Variants in BRINP3 observed in about 807,000 individuals in gnomAD.
BRINP3 encodes the protein BMP/retinoic acid-inducible neural-specific protein 3.
BRINP3 carries 19 observed loss-of-function variants against 71.0 expected under a neutral mutation model. The ratio of observed to expected loss-of-function variants is 0.27; its 90% CI spans 0.19 to 0.39. BRINP3 has a LOEUF of 0.39. BRINP3 is among the 10% of genes least tolerant of loss of function. The pLI, the probability that BRINP3 is intolerant of heterozygous loss-of-function variation, is 1.00. For missense variants in BRINP3, 959 were observed against 940.8 expected (o/e 1.02, Z -0.25); for synonymous variants, 380 against 337.7 (o/e 1.13, Z -1.37).
chr1:190,469,485 C>T (rs1192174781), intron 1 of BRINP3, among the ~76,000 whole-genome samples: 1 of 150,848 alleles, frequency 6.6e-6, no homozygotes, highest in Non-Finnish European at 1.5e-5. Flanking sequence ...TTTTGTGCAA[C>T]TTTGCTGCAT....
At chr1:190,248,995 A>AT (rs1310062019) in intron 4 of BRINP3, among the ~76,000 whole-genome samples, 1 of 151,694 alleles carries the variant, frequency 6.6e-6, no homozygotes, top group African/African-American at 2.4e-5. Flanking sequence ...GCTTATAGTG[A>AT]TTTTTCTAAA....
chr1:190,473,773 A>ATT (rs200647038), intron 1 of BRINP3, among the ~76,000 whole-genome samples: 49 of 142,440 alleles, frequency 3.4e-4, no homozygotes, highest in South Asian at 1.5e-3. Context: ...ATAATTTTCT[A>ATT]TTTTTTTTTT....
At chr1:190,123,842 T>C (rs1461705953) in intron 7 of BRINP3, among the ~76,000 whole-genome samples, 1 of 152,148 alleles carries the variant, frequency 6.6e-6, no homozygotes, top group African/African-American at 2.4e-5. Flanking sequence ...TCTCTTTTAA[T>C]TGTTAGCTAA....
intron 3 of BRINP3, among the ~76,000 whole-genome samples, chr1:190,270,632 G>T (rs1481341222): frequency 6.6e-6 from 1 of 151,548 alleles, no homozygotes; most frequent in Non-Finnish European, 1.5e-5. Flanking sequence ...TCTCTATTTT[G>T]GGTATCTTTG....
At chr1:190,218,490 G>T (rs1040908507) in intron 6 of BRINP3, among the ~76,000 whole-genome samples, 6 of 151,880 alleles carry the variant, frequency 4.0e-5, no homozygotes, top group African/African-American at 1.5e-4. Context: ...AGGTAACACT[G>T]GATGTTATTA....
chr1:190,322,934 C>T (rs774397178), intron 2 of BRINP3, among the ~76,000 whole-genome samples: 3 of 151,894 alleles, frequency 2.0e-5, no homozygotes, highest in African/African-American at 4.8e-5. Context: ...TTTTAAAGAG[C>T]GGGTGATGCA....
chr1:190,419,372 A>G (rs1673212772), intron 2 of BRINP3, among the ~76,000 whole-genome samples: 1 of 152,120 alleles, frequency 6.6e-6, no homozygotes, highest in African/African-American at 2.4e-5. Flanking sequence ...CATAAAATGT[A>G]TATGAATTTT....
chr1:190,338,006 T>G (rs998226854), intron 2 of BRINP3, among the ~76,000 whole-genome samples: 1 of 152,084 alleles, frequency 6.6e-6, no homozygotes, highest in Admixed American at 6.6e-5. Flanking sequence ...TCTTCAACTA[T>G]ACTTTAAAAA....
At chr1:190,109,514 C>A (rs1340779466) in intron 7 of BRINP3, among the ~76,000 whole-genome samples, 2 of 152,166 alleles carry the variant, frequency 1.3e-5, no homozygotes, top group East Asian at 3.8e-4. Flanking sequence ...GTTTTGGTGT[C>A]AACTTCACTG....
chr1:190,416,560 T>C (rs1673015027), intron 2 of BRINP3, among the ~76,000 whole-genome samples: 1 of 152,190 alleles, frequency 6.6e-6, no homozygotes, highest in Non-Finnish European at 1.5e-5. Flanking sequence ...GAAAGGCTTT[T>C]ATAGTGTAGT....
At chr1:190,301,874 T>C (rs1366448561) in intron 2 of BRINP3, among the ~76,000 whole-genome samples, 1 of 152,004 alleles carries the variant, frequency 6.6e-6, no homozygotes, top group Non-Finnish European at 1.5e-5. Flanking sequence ...TATATAGTTA[T>C]AGAAAAACAT....
At chr1:190,243,896 T>C (rs1184696159) in intron 4 of BRINP3, among the ~76,000 whole-genome samples, 20 of 152,130 alleles carry the variant, frequency 1.3e-4, no homozygotes, top group Admixed American at 1.2e-3. Context: ...AGTAAAACAT[T>C]AAAGACTGAT....
intron 2 of BRINP3, among the ~76,000 whole-genome samples, chr1:190,444,792 C>A (rs1336346314): frequency 5.9e-5 from 9 of 152,122 alleles, no homozygotes; most frequent in Admixed American, 5.9e-4. Context: ...CCTTGGCCCC[C>A]CCAAGGTGCT....
chr1:190,154,959 C>T (rs924349023), intron 7 of BRINP3, among the ~76,000 whole-genome samples: 10 of 152,150 alleles, frequency 6.6e-5, no homozygotes, highest in South Asian at 2.1e-4. Context: ...ATTTATTTAA[C>T]GGCAATGATA....
chr1:190,264,089 G>A (rs970930128), intron 4 of BRINP3, among the ~76,000 whole-genome samples: 53 of 152,176 alleles, frequency 3.5e-4, no homozygotes, highest in African/African-American at 1.3e-3. Flanking sequence ...ATTTTACAAT[G>A]GCCATTTGAC....
chr1:190,429,031 T>G (rs1673911779), intron 2 of BRINP3, among the ~76,000 whole-genome samples: 1 of 152,096 alleles, frequency 6.6e-6, no homozygotes, highest in African/African-American at 2.4e-5. Context: ...TTGCTATAAA[T>G]CAGATGCTGC....
intron 2 of BRINP3, among the ~76,000 whole-genome samples, chr1:190,337,901 T>A (rs1667396629): frequency 6.6e-6 from 1 of 152,084 alleles, no homozygotes; most frequent in Non-Finnish European, 1.5e-5. Flanking sequence ...TCTGTGTTTT[T>A]TAAACTATGA....
At chr1:190,166,883 C>T (rs1178062784) in intron 6 of BRINP3, among the ~76,000 whole-genome samples, 1 of 152,072 alleles carries the variant, frequency 6.6e-6, no homozygotes, top group South Asian at 2.1e-4. Flanking sequence ...ACCACTACTT[C>T]CGGCTAGTTT....
intron 3 of BRINP3, among the ~76,000 whole-genome samples, chr1:190,275,960 T>G (rs35097942): frequency 0.17 from 25,888 of 150,412 alleles, 2,286 homozygotes; most frequent in East Asian, 0.28. Context: ...TATATATATA[T>G]ATAGAGAGAG....
Sources: gnomAD v4.1 joint callset for allele counts (sites outside exome capture counted in the v4.1 genomes callset) on GRCh38, gnomAD v4.1.1 for gene constraint, MANE v1.5 for transcripts, NCBI Gene and HGNC (gene_info 2026-07-23, HGNC 2026-07-21) for gene names.